KCNH1: variants seen among roughly 807,000 people sequenced by gnomAD.
The protein encoded by KCNH1 is potassium voltage-gated channel subfamily H member 1.
KCNH1 carries 27 observed loss-of-function variants against 69.2 expected under a neutral mutation model. The ratio of observed to expected loss-of-function variants is 0.39; its 90% CI spans 0.29 to 0.54. The LOEUF (loss-of-function observed/expected upper bound fraction) is 0.54. Ranked by LOEUF, KCNH1 falls within the 20% of genes least tolerant of loss-of-function variation. The pLI is 0.68. For synonymous variants in KCNH1, 456 were observed against 487.7 expected, an observed-to-expected ratio of 0.93 and a Z score of 0.86; for missense variants, 798 against 1,261.6, an observed-to-expected ratio of 0.63 and a Z score of 5.57.
intron 6 of KCNH1, among the ~76,000 whole-genome samples, chr1:210,934,825 A>T (rs556853990): frequency 2.0e-5 from 3 of 152,078 alleles, no homozygotes; most frequent in Non-Finnish European, 2.9e-5. Context: ...ACTCTTGTAC[A>T]CTATTGGTGT....
At chr1:210,987,580 G>A (rs535177302) in intron 6 of KCNH1, among the ~76,000 whole-genome samples, 13 of 152,274 alleles carry the variant, frequency 8.5e-5, no homozygotes, top group South Asian at 4.1e-4. Context: ...TATCAGCAGC[G>A]GTGGCTTCAG....
chr1:211,002,279 C>CGTATGTATACATGTATATAT (rs1393893450), intron 6 of KCNH1, among the ~76,000 whole-genome samples: 3 of 144,688 alleles, frequency 2.1e-5, no homozygotes, highest in African/African-American at 7.7e-5. Context: ...CATATATATA[C>CGTATGTATACATGTATATAT]GTATGTATAC....
intron 7 of KCNH1, among the ~76,000 whole-genome samples, chr1:210,834,899 C>G (rs1006760210): frequency 2.6e-5 from 4 of 152,064 alleles, no homozygotes; most frequent in African/African-American, 4.8e-5. Context: ...TCCCCAGCTT[C>G]CAGAGCTGTG....
intron 10 of KCNH1, among the ~76,000 whole-genome samples, chr1:210,712,847 T>TATCA (rs1682112025): frequency 6.6e-6 from 1 of 152,178 alleles, no homozygotes; most frequent in Non-Finnish European, 1.5e-5. Flanking sequence ...AATTTTAGTC[T>TATCA]ATCAGCTCCA....
At chr1:210,747,066 G>C (rs1683177819) in intron 10 of KCNH1, among the ~76,000 whole-genome samples, 1 of 152,162 alleles carries the variant, frequency 6.6e-6, no homozygotes, top group African/African-American at 2.4e-5. Context: ...CTGCAACAGG[G>C]GAAGAGAAGG....
rs1681686032 is a variant in KCNH1, at chr1:210,698,143, A to C, written c.2113-14005T>G. Reference sequence around the variant, plus strand: ...TTCAGTTGACCTAAAGGTTGAAAGCAGTTAAGGATCTGGACAGTTTAGCTT... The same window carrying C: ...TTCAGTTGACCTAAAGGTTGAAAGCCGTTAAGGATCTGGACAGTTTAGCTT... On this transcript the variant is annotated intron_variant, in intron 10 of 10. Transcript: ENST00000271751. 2.0e-5 allele frequency among the ~76,000 whole-genome samples: 3 copies of C among 152,204 alleles called. No individual in the cohort carries two copies. In the South Asian group the frequency reaches 6.2e-4, roughly 32 times the overall value.
At chr1:210,926,204 G>C (rs1011324805) in intron 6 of KCNH1, among the ~76,000 whole-genome samples, 2 of 152,094 alleles carry the variant, frequency 1.3e-5, no homozygotes, top group African/African-American at 4.8e-5. Context: ...AGGTTGCAGT[G>C]AGCCAAGATG....
At chr1:210,832,253 C>T (rs1352733700) in intron 7 of KCNH1, among the ~76,000 whole-genome samples, 1 of 152,196 alleles carries the variant, frequency 6.6e-6, no homozygotes, top group Non-Finnish European at 1.5e-5. Flanking sequence ...AGGCTATACT[C>T]TCTTATCTGA....
intron 1 of KCNH1, among the ~76,000 whole-genome samples, chr1:211,111,598 G>C (rs1208457973): frequency 3.1e-5 from 4 of 128,438 alleles, no homozygotes; most frequent in Non-Finnish European, 6.5e-5. Flanking sequence ...CCACCTCACT[G>C]TCTGGGAAGT....
chr1:210,805,340 T>C (rs1359731515), intron 7 of KCNH1, among the ~76,000 whole-genome samples: 2 of 152,208 alleles, frequency 1.3e-5, no homozygotes, highest in African/African-American at 4.8e-5. Flanking sequence ...ATGCTTAAAG[T>C]ATATAATTTG....
At chr1:210,859,171 A>G in intron 7 of KCNH1, 1 of 1,529,538 alleles carries the variant, frequency 6.5e-7, no homozygotes, top group East Asian at 2.2e-5. Context: ...AGAAAGAGAT[A>G]ACTCAATTCA....
intron 6 of KCNH1, among the ~76,000 whole-genome samples, chr1:210,956,712 T>C (rs970747276): frequency 1.3e-5 from 2 of 152,174 alleles, no homozygotes; most frequent in African/African-American, 4.8e-5. Context: ...GAGGTGTTTA[T>C]AGTATTCTCT....
intron 6 of KCNH1, among the ~76,000 whole-genome samples, chr1:210,985,084 G>T (rs150227787): frequency 0.013 from 1,985 of 152,242 alleles, 48 homozygotes; most frequent in African/African-American, 0.045. Flanking sequence ...GATGTTTCTA[G>T]TATTCTCTGA....
intron 6 of KCNH1, among the ~76,000 whole-genome samples, chr1:210,951,255 G>C (rs1464204304): frequency 6.6e-6 from 1 of 152,156 alleles, no homozygotes; most frequent in East Asian, 1.9e-4. Context: ...GAGTAGCTTG[G>C]GGGTGAGGGG....
intron 7 of KCNH1, among the ~76,000 whole-genome samples, chr1:210,824,424 C>A (rs1684996595): frequency 1.3e-5 from 2 of 152,028 alleles, no homozygotes; most frequent in Non-Finnish European, 2.9e-5. Context: ...AAAATCCCCT[C>A]ACTGCATGTT....
intron 7 of KCNH1, among the ~76,000 whole-genome samples, chr1:210,873,556 G>A (rs1195961959): frequency 6.6e-6 from 1 of 151,850 alleles, no homozygotes; most frequent in South Asian, 2.1e-4. Flanking sequence ...GTCTCACTGT[G>A]TTTGCCAGGC....
Position 210,701,030 on chromosome 1 carries a change from C to T in KCNH1, c.2113-16892G>A, listed in dbSNP as rs535213391. Among the ~76,000 whole-genome samples, 259 of 152,136 alleles carry T rather than the reference C, an allele frequency of 1.7e-3. 1 individual carries two copies. The highest frequency in any genetic ancestry group is 3.0e-3 in the Non-Finnish European group (204 of 68,000). Reference sequence around the variant, plus strand: ...TCGGCTCACTGCAAGCTCCACCTCCCGGGTTCACGCCACTCTCCTGCCTCA... The same window carrying T: ...TCGGCTCACTGCAAGCTCCACCTCCTGGGTTCACGCCACTCTCCTGCCTCA... On this transcript the variant is annotated intron_variant, in intron 10 of 10. Transcript: ENST00000271751.
At position 210,894,128 on chromosome 1, in the gene KCNH1, T is replaced by C. The variant is rs6695821; in HGVS notation, c.1462+25512A>G. Among the ~76,000 whole-genome samples, 1,082 of 152,326 alleles carry C rather than the reference T, an allele frequency of 7.1e-3. 7 individuals are homozygous for C. Among genetic ancestry groups the C allele is most frequent in the Non-Finnish European group, 0.012 (830 of 68,028 alleles). ...CTTTCTTTGCTTAATTGGTCATTTT[T>C]ATTGAATGTCAGACATTGTGAATAG... On this transcript the variant is annotated intron_variant, in intron 7 of 10. Coordinates refer to ENST00000271751, the MANE Select transcript of KCNH1 (RefSeq NM_172362.3).
intron 10 of KCNH1, among the ~76,000 whole-genome samples, chr1:210,754,609 C>T (rs1388890851): frequency 6.6e-6 from 1 of 151,816 alleles, no homozygotes; most frequent in Non-Finnish European, 1.5e-5. Context: ...TGGTACCTCC[C>T]CCAACTCTCT....
Sources: allele counts gnomAD v4.1 joint callset (sites outside exome capture counted in the v4.1 genomes callset), GRCh38; gene constraint gnomAD v4.1.1; transcripts MANE v1.5; gene names NCBI Gene and HGNC (gene_info 2026-07-23, HGNC 2026-07-21).